The following MMP26 variants were observed in gnomAD, a reference collection of about 807,000 sequenced individuals.
MMP26 encodes the protein matrix metallopeptidase 26.
MMP26 carries 33 observed loss-of-function variants against 31.0 expected under a neutral mutation model. The ratio of observed to expected loss-of-function variants is 1.06; its 90% CI spans 0.81 to 1.42. MMP26 has a LOEUF of 1.42. Ranked by LOEUF, MMP26 falls within the 40% of genes most tolerant of loss-of-function variation. The probability of loss-of-function intolerance (pLI) is 0.00; values close to 1 mark genes in which losing one functional copy is unlikely to be tolerated. For missense variants in MMP26, 347 were observed against 316.1 expected, an observed-to-expected ratio of 1.10 and a Z score of -0.74; for synonymous variants, 122 against 114.9, an observed-to-expected ratio of 1.06 and a Z score of -0.40.
At chr11:4,800,875 T>G in intron 2 of MMP26, among the ~76,000 whole-genome samples, 1 of 152,024 alleles carries the variant, frequency 6.6e-6, no homozygotes, top group Non-Finnish European at 1.5e-5. Context: ...GTTCAAACTT[T>G]CATAGGTCCC....
At chr11:4,864,165 TA>T (rs958186986) in intron 2 of MMP26, among the ~76,000 whole-genome samples, 4 of 151,960 alleles carry the variant, frequency 2.6e-5, no homozygotes, top group East Asian at 1.9e-4. Flanking sequence ...CAGGAACATA[TA>T]AAAAAAAGAT....
chr11:4,733,841 G>A (rs1007200120), intron 1 of MMP26, among the ~76,000 whole-genome samples: 2 of 152,092 alleles, frequency 1.3e-5, no homozygotes, highest in Non-Finnish European at 2.9e-5. Flanking sequence ...ATCAGTTGAC[G>A]AAATTCCTTT....
At chr11:4,758,486 A>C (rs547359961) in intron 1 of MMP26, among the ~76,000 whole-genome samples, 1 of 144,662 alleles carries the variant, frequency 6.9e-6, no homozygotes, top group East Asian at 2.0e-4. Flanking sequence ...AAAAAAAAAA[A>C]ACTAAAATAA....
intron 1 of MMP26, among the ~76,000 whole-genome samples, chr11:4,714,317 T>C (rs1197717261): frequency 1.3e-5 from 2 of 152,200 alleles, no homozygotes; most frequent in Non-Finnish European, 2.9e-5. Context: ...GATTGGTCTA[T>C]GAGCCATTTG....
intron 2 of MMP26, among the ~76,000 whole-genome samples, chr11:4,966,998 T>C (rs375388582): frequency 1.3e-5 from 2 of 152,190 alleles, no homozygotes; most frequent in African/African-American, 4.8e-5. Context: ...CCTCTAGTGA[T>C]AGTGTCAGGT....
intron 2 of MMP26, chr11:4,944,091 C>G (rs1308778348): frequency 2.2e-6 from 1 of 454,200 alleles, no homozygotes; most frequent in Non-Finnish European, 4.4e-6. Context: ...CAACCCCAAA[C>G]CCATATCTGT....
intron 1 of MMP26, among the ~76,000 whole-genome samples, chr11:4,707,504 T>C (rs1311698592): frequency 6.6e-6 from 1 of 152,220 alleles, no homozygotes; most frequent in Non-Finnish European, 1.5e-5. Flanking sequence ...GAGAGGCTGC[T>C]TCCTCATTTT....
chr11:4,855,170 G>T (rs1233844650), intron 2 of MMP26, among the ~76,000 whole-genome samples: 1 of 152,182 alleles, frequency 6.6e-6, no homozygotes, highest in Non-Finnish European at 1.5e-5. Flanking sequence ...CTACCCCAAA[G>T]GAACACAGCT....
At chr11:4,938,683 G>A (rs747079197) in intron 2 of MMP26, among the ~76,000 whole-genome samples, 3 of 152,032 alleles carry the variant, frequency 2.0e-5, no homozygotes, top group East Asian at 1.9e-4. Context: ...TCTTGAGCAA[G>A]GAAAGCAAAA....
chr11:4,796,836 A>G (rs934496433), intron 2 of MMP26, among the ~76,000 whole-genome samples: 9 of 152,076 alleles, frequency 5.9e-5, no homozygotes, highest in African/African-American at 1.4e-4. Context: ...AATGTCCAGG[A>G]ACCTTGGGAA....
chr11:4,951,470 AT>A (rs1846372670), intron 2 of MMP26, among the ~76,000 whole-genome samples: 2 of 124,752 alleles, frequency 1.6e-5, no homozygotes, highest in East Asian at 4.5e-4. Context: ...TTTAGTGATC[AT>A]TTTTTGTAAA....
intron 2 of MMP26, among the ~76,000 whole-genome samples, chr11:4,891,773 T>C (rs1294730347): frequency 6.6e-6 from 1 of 152,198 alleles, no homozygotes; most frequent in Admixed American, 6.5e-5. Context: ...GGATTTTCTC[T>C]ATAGCTCAAC....
At chr11:4,935,256 C>T (rs1414361412) in intron 2 of MMP26, among the ~76,000 whole-genome samples, 5 of 150,700 alleles carry the variant, frequency 3.3e-5, no homozygotes, top group Admixed American at 2.0e-4. Context: ...TTTCATTGAG[C>T]AGTGGTTTGT....
At chr11:4,789,977 A>G (rs1849001588) in intron 2 of MMP26, among the ~76,000 whole-genome samples, 1 of 152,196 alleles carries the variant, frequency 6.6e-6, no homozygotes, top group East Asian at 1.9e-4. Flanking sequence ...AAGACCTATT[A>G]AATATGTAGC....
chr11:4,907,109 A>AAAAAAAAAAAAAAAAAAAAAAAAAAAC (rs1564804260), intron 2 of MMP26, among the ~76,000 whole-genome samples: 1 of 150,790 alleles, frequency 6.6e-6, no homozygotes, highest in African/African-American at 2.4e-5. Flanking sequence ...AAAAAAAAAA[A>AAAAAAAAAAAAAAAAAAAAAAAAAAAC]AAAAAATCCT....
At chr11:4,729,890 C>G (rs77225951) in intron 1 of MMP26, among the ~76,000 whole-genome samples, 6 of 151,490 alleles carry the variant, frequency 4.0e-5, no homozygotes, top group African/African-American at 1.5e-4. Flanking sequence ...CGTGATGCAT[C>G]GTAAAGTTAA....
intron 2 of MMP26, among the ~76,000 whole-genome samples, chr11:4,811,297 A>G (rs1410001002): frequency 2.0e-5 from 3 of 152,170 alleles, no homozygotes; most frequent in East Asian, 1.9e-4. Context: ...CGATTATTTT[A>G]TCACCTAGTT....
intron 2 of MMP26, among the ~76,000 whole-genome samples, chr11:4,987,213 A>C (rs954667224): frequency 6.6e-6 from 1 of 151,712 alleles, no homozygotes; most frequent in African/African-American, 2.4e-5. Flanking sequence ...AATAGCTGAA[A>C]TATTTTGCTG....
intron 2 of MMP26, among the ~76,000 whole-genome samples, chr11:4,796,563 A>T (rs1417262461): frequency 3.9e-5 from 6 of 152,212 alleles, no homozygotes; most frequent in Admixed American, 6.5e-5. Context: ...TACCCCTTCC[A>T]AGAAGGAATT....
Sources: gnomAD v4.1 joint callset for allele counts (sites outside exome capture counted in the v4.1 genomes callset) on GRCh38, gnomAD v4.1.1 for gene constraint, MANE v1.5 for transcripts, NCBI Gene and HGNC (gene_info 2026-07-23, HGNC 2026-07-21) for gene names.